RUFY3: variants seen among roughly 807,000 people sequenced by gnomAD.
The protein encoded by RUFY3 is protein RUFY3.
A neutral mutation model predicts 84.0 loss-of-function variants in RUFY3; 34 were observed. The ratio of observed to expected loss-of-function variants is 0.40; its 90% confidence interval spans 0.31 to 0.54. The LOEUF (loss-of-function observed/expected upper bound fraction) is 0.54. Ranked by LOEUF, RUFY3 falls within the 20% of genes least tolerant of loss-of-function variation. The pLI is 0.39. For missense variants in RUFY3, 507 were observed against 736.8 expected (o/e 0.69, Z 3.61); for synonymous variants, 242 against 252.9 (o/e 0.96, Z 0.41).
intron 1 of RUFY3, among the ~76,000 whole-genome samples, chr4:70,740,243 T>C (rs865931281): frequency 4.6e-5 from 7 of 152,220 alleles, no homozygotes; most frequent in South Asian, 2.1e-4. Context: ...ACAGACCTTT[T>C]AGTTTCTGGG....
At position 70,722,182 on chromosome 4, in the gene RUFY3, C is replaced by A; in HGVS notation, c.-392C>A. The stretch of plus-strand genomic sequence containing the variant: ...AAAGGAGGAGGATTTTTCACTTACT[C>A]ATATCGAGGCCAGATTTTTAAAGCC... On this transcript the variant is annotated 5_prime_UTR_variant, in exon 1 of 18. Transcript: ENST00000381006. 8.1e-7 allele frequency: 1 copy of A among 1,229,674 alleles called. No individual in the cohort carries two copies. The highest frequency in any genetic ancestry group is 4.2e-5 in the South Asian group (1 of 23,782). 76.2% of individuals were successfully genotyped at this position (1,229,674 alleles called of 1,614,324 possible).
chr4:70,787,195 T>C (rs1383642658), intron 10 of RUFY3, among the ~76,000 whole-genome samples: 1 of 127,930 alleles, frequency 7.8e-6, no homozygotes, highest in African/African-American at 3.2e-5. Flanking sequence ...AAAATATATA[T>C]ATATATATAT....
intron 1 of RUFY3, among the ~76,000 whole-genome samples, chr4:70,715,727 C>T (rs1276056187): frequency 6.6e-6 from 1 of 150,632 alleles, no homozygotes; most frequent in Non-Finnish European, 1.5e-5. Flanking sequence ...GTGAGCTTTA[C>T]AAATTTAGTT....
chr4:70,720,888 CGTGT>C (rs71210198), upstream of RUFY3, among the ~76,000 whole-genome samples: 18,199 of 138,362 alleles, frequency 0.13, 1,303 homozygotes, highest in East Asian at 0.3. Flanking sequence ...AATATAGGGC[CGTGT>C]GTGTGTGTGT....
At chr4:70,712,229 G>T (rs1741073731) in intron 1 of RUFY3, among the ~76,000 whole-genome samples, 1 of 152,096 alleles carries the variant, frequency 6.6e-6, no homozygotes, top group African/African-American at 2.4e-5. Flanking sequence ...ACTACTACTA[G>T]TGGCCACCAT....
intron 1 of RUFY3, among the ~76,000 whole-genome samples, chr4:70,736,772 A>G (rs1720380215): frequency 1.3e-5 from 2 of 152,102 alleles, no homozygotes; most frequent in Non-Finnish European, 1.5e-5. Context: ...GGGTTTCACC[A>G]TGTTGGCCAG....
Position 70,807,663 on chromosome 4 carries a change from CTTTT to C in RUFY3, c.*1018_*1021del, listed in dbSNP as rs57107005. 7.9e-6 allele frequency among the ~76,000 whole-genome samples: 1 copy of C among 126,178 alleles called. No homozygotes were observed. The highest frequency in any genetic ancestry group is 1.7e-5 in the Non-Finnish European group (1 of 58,996). 82.8% of individuals were successfully genotyped at this position (126,178 alleles called of 152,430 possible). A position where few individuals can be genotyped will look rare whatever the true frequency, so the allele number is the denominator to read the frequency against. On this transcript the variant is annotated 3_prime_UTR_variant, in exon 18 of 18. Transcript: ENST00000381006. ...TAGCCTCCCAAGTAGCTGGGACTGG[CTTTT>C]TTTTTTTTTTTTTGGCCGGGGAGGG...
intron 15 of RUFY3, among the ~76,000 whole-genome samples, chr4:70,800,903 T>A (rs1456864816): frequency 6.6e-6 from 1 of 152,012 alleles, no homozygotes; most frequent in African/African-American, 2.4e-5. Flanking sequence ...AAAGTTCAAA[T>A]AAGTACTCTG....
At chr4:70,770,196 T>C (rs1726719934) in intron 5 of RUFY3, among the ~76,000 whole-genome samples, 1 of 152,196 alleles carries the variant, frequency 6.6e-6, no homozygotes, top group Non-Finnish European at 1.5e-5. Context: ...TTCAGAATGG[T>C]AAATGAGCAC....
intron 9 of RUFY3, among the ~76,000 whole-genome samples, chr4:70,783,765 G>A (rs149750251): frequency 1.4e-4 from 22 of 152,270 alleles, no homozygotes; most frequent in Non-Finnish European, 2.1e-4. Flanking sequence ...TTATAATAGT[G>A]CCACTTTAGG....
chr4:70,737,575 C>T (rs941176656), intron 1 of RUFY3, among the ~76,000 whole-genome samples: 2 of 152,140 alleles, frequency 1.3e-5, no homozygotes, highest in South Asian at 2.1e-4. Flanking sequence ...CTCATCCGCT[C>T]ACCCCCCATC....
chr4:70,800,262 G>C, intron 15 of RUFY3, 57 bp downstream of exon 15: 1 of 1,409,064 alleles, frequency 7.1e-7, no homozygotes, highest in Non-Finnish European at 9.8e-7. Flanking sequence ...TGGTGGGAAG[G>C]AGGGAGTTCT....
At chr4:70,705,577 G>GTCT (rs1005646932) in intron 1 of RUFY3, among the ~76,000 whole-genome samples, 1 of 152,198 alleles carries the variant, frequency 6.6e-6, no homozygotes, top group Non-Finnish European at 1.5e-5. Flanking sequence ...CTGGGCGCTG[G>GTCT]TCTTCGCCGG....
At chr4:70,705,860 C>G (rs908460190) in intron 1 of RUFY3, among the ~76,000 whole-genome samples, 1 of 152,196 alleles carries the variant, frequency 6.6e-6, no homozygotes, top group Non-Finnish European at 1.5e-5. Flanking sequence ...CCTTCCATGC[C>G]GGTAAATATG....
intron 1 of RUFY3, among the ~76,000 whole-genome samples, chr4:70,729,564 C>G (rs1718877402): frequency 2.0e-5 from 3 of 152,096 alleles, no homozygotes; most frequent in Non-Finnish European, 4.4e-5. Flanking sequence ...GAGTTTTTCT[C>G]TCCTCTTAAC....
intron 1 of RUFY3, among the ~76,000 whole-genome samples, chr4:70,713,704 A>G (rs76726978): frequency 1.4e-3 from 210 of 152,278 alleles, no homozygotes; most frequent in Non-Finnish European, 2.4e-3. Flanking sequence ...CTAACTTCAG[A>G]GTCTGTTTAG....
chr4:70,767,171 C>T (rs1446392802), intron 4 of RUFY3, among the ~76,000 whole-genome samples: 3 of 151,836 alleles, frequency 2.0e-5, no homozygotes, highest in African/African-American at 4.8e-5. Context: ...CCGCAATCTC[C>T]GCCTCCCAGG....
At chr4:70,705,925 A>G (rs1325468921) in intron 1 of RUFY3, among the ~76,000 whole-genome samples, 3 of 152,196 alleles carry the variant, frequency 2.0e-5, no homozygotes, top group Non-Finnish European at 4.4e-5. Context: ...TGAGAAGACA[A>G]GAAGGGAATG....
At chr4:70,752,438 A>G (rs28797602) in intron 1 of RUFY3, among the ~76,000 whole-genome samples, 10,765 of 152,188 alleles carry the variant, frequency 0.071, 985 homozygotes, top group African/African-American at 0.21. Context: ...TGCCCTGGCA[A>G]GACTCGCCTA....
Sources: gnomAD v4.1 joint callset for allele counts (sites outside exome capture counted in the v4.1 genomes callset) on GRCh38, gnomAD v4.1.1 for gene constraint, MANE v1.5 for transcripts, NCBI Gene and HGNC (gene_info 2026-07-23, HGNC 2026-07-21) for gene names.